Variants in EHBP1 observed in about 807,000 individuals in gnomAD.
EHBP1 encodes EH domain binding protein 1.
In EHBP1, 55 loss-of-function variants were observed where a neutral mutation model predicts 144.0. That is an observed-to-expected ratio of 0.38 (90% CI 0.31 to 0.48). The LOEUF (loss-of-function observed/expected upper bound fraction) is 0.48, where lower values mean the gene tolerates loss of function less well. Ranked by LOEUF, EHBP1 falls within the 20% of genes least tolerant of loss-of-function variation. EHBP1 has a pLI of 0.98. For synonymous variants in EHBP1, 469 were observed against 472.7 expected (o/e 0.99, Z 0.10); for missense variants, 1,200 against 1,364.2 (o/e 0.88, Z 1.90).
At chr2:62,830,943 A>C (rs536092792) in intron 6 of EHBP1, 76 bp from the exon 7 acceptor site, 12 of 1,475,006 alleles carry the variant, frequency 8.1e-6, no homozygotes, top group African/African-American at 5.8e-5. Flanking sequence ...GAAGGAATTT[A>C]TTGTTTTCTT....
chr2:62,832,452 T>G (rs1419322870), intron 7 of EHBP1, among the ~76,000 whole-genome samples: 2 of 150,450 alleles, frequency 1.3e-5, no homozygotes, highest in Non-Finnish European at 3.0e-5. Context: ...TTTTTTTTTT[T>G]TTTTTACAAA....
chr2:62,813,623 A>T (rs1001175846), intron 5 of EHBP1, among the ~76,000 whole-genome samples: 1 of 152,226 alleles, frequency 6.6e-6, no homozygotes, highest in Admixed American at 6.5e-5. Flanking sequence ...GACTGAGTCC[A>T]GCAAAGCCAT....
intron 21 of EHBP1, among the ~76,000 whole-genome samples, chr2:63,041,076 A>C (rs1559106209): frequency 6.6e-6 from 1 of 152,230 alleles, no homozygotes; most frequent in Non-Finnish European, 1.5e-5. Context: ...CTGCTGCTGA[A>C]ACCATTCACC....
At chr2:62,839,538 G>T (rs1457264975) in intron 7 of EHBP1, among the ~76,000 whole-genome samples, 1 of 149,778 alleles carries the variant, frequency 6.7e-6, no homozygotes, top group Non-Finnish European at 1.5e-5. Context: ...ATTAGGAAAA[G>T]AGGAAGTCAA....
intron 5 of EHBP1, among the ~76,000 whole-genome samples, chr2:62,822,127 G>A (rs2046029140): frequency 6.6e-6 from 1 of 151,980 alleles, no homozygotes; most frequent in African/African-American, 2.4e-5. Context: ...TTATAAAGAA[G>A]TCCTGAGTCT....
chr2:62,753,589 G>T (rs541717794), intron 3 of EHBP1, among the ~76,000 whole-genome samples: 1 of 152,078 alleles, frequency 6.6e-6, no homozygotes, highest in Non-Finnish European at 1.5e-5. Flanking sequence ...TAATATCCTG[G>T]AGAGTGTTTT....
intron 5 of EHBP1, among the ~76,000 whole-genome samples, chr2:62,807,839 C>G (rs553797590): frequency 1.3e-5 from 2 of 152,118 alleles, no homozygotes; most frequent in African/African-American, 2.4e-5. Context: ...TTTCACTCCA[C>G]ACTTGTTTGT....
In EHBP1 at chr2:62,859,299, GT is replaced by G; in HGVS notation, c.757+13del. ...GAGATCCTGACTCAGAAGGTAGCAAGTTTTTCTGTAATTTTAAAGTCTTTGT... is the reference window on the plus strand; with the variant it reads ...GAGATCCTGACTCAGAAGGTAGCAAGTTTTCTGTAATTTTAAAGTCTTTGT... On this transcript the variant is annotated intron_variant, in intron 8 of 22. Transcript: ENST00000431489. 6.3e-7 allele frequency: 1 copy of G among 1,593,710 alleles called. No individual in the cohort carries two copies. Among genetic ancestry groups the G allele is most frequent in the East Asian group, 2.3e-5 (1 of 44,422 alleles).
chr2:62,905,508 A>G (rs1033922999), intron 10 of EHBP1, among the ~76,000 whole-genome samples: 1 of 152,142 alleles, frequency 6.6e-6, no homozygotes, highest in African/African-American at 2.4e-5. Context: ...CAGGGAAATG[A>G]TATAATCAGG....
intron 6 of EHBP1, among the ~76,000 whole-genome samples, chr2:62,829,945 G>A (rs915697327): frequency 1.3e-5 from 2 of 150,834 alleles, no homozygotes; most frequent in South Asian, 4.2e-4. Flanking sequence ...TCCTTAAAGA[G>A]TTAAAAAGTA....
chr2:62,965,859 A>C (rs909682816), intron 14 of EHBP1, among the ~76,000 whole-genome samples: 6 of 152,008 alleles, frequency 3.9e-5, no homozygotes, highest in Non-Finnish European at 8.8e-5. Flanking sequence ...TGATATTCTG[A>C]TTTTTTGCTT....
In EHBP1 at chr2:62,743,251, T is replaced by C. The variant is rs1289859863; in HGVS notation, c.105-4144T>C. The stretch of plus-strand genomic sequence containing the variant: ...TAGTCCCTCATCTTTTTTTGGGCTT[T>C]ACATTGAAAGTGTCATTGTAAATTA... On this transcript the variant is annotated intron_variant, in intron 2 of 22. Transcript: ENST00000431489. 2.0e-5 allele frequency among the ~76,000 whole-genome samples: 3 copies of C among 152,184 alleles called. No individual in the cohort carries two copies. The East Asian group carries it at 5.8e-4, about 29-fold the overall frequency.
At chr2:62,709,459 G>A (rs1214522987) in intron 2 of EHBP1, among the ~76,000 whole-genome samples, 2 of 152,118 alleles carry the variant, frequency 1.3e-5, no homozygotes, top group African/African-American at 2.4e-5. Context: ...ACATTATCAG[G>A]TGATTCCTCA....
intron 2 of EHBP1, among the ~76,000 whole-genome samples, chr2:62,709,000 G>T (rs572234472): frequency 2.6e-5 from 4 of 152,254 alleles, no homozygotes; most frequent in African/African-American, 9.6e-5. Context: ...GGATTATTCT[G>T]TAGGTGATAG....
At chr2:62,977,866 T>C (rs1305739629) in intron 14 of EHBP1, among the ~76,000 whole-genome samples, 1 of 151,926 alleles carries the variant, frequency 6.6e-6, no homozygotes, top group Non-Finnish European at 1.5e-5. Flanking sequence ...AGGGAAATGG[T>C]TGGGGGGATA....
At chr2:62,722,080 T>A (rs1355349957) in intron 2 of EHBP1, among the ~76,000 whole-genome samples, 1 of 152,182 alleles carries the variant, frequency 6.6e-6, no homozygotes, top group African/African-American at 2.4e-5. Flanking sequence ...AGTTGTACCA[T>A]AGTGCCCCCT....
chr2:62,720,404 A>G (rs1425143968), intron 2 of EHBP1, among the ~76,000 whole-genome samples: 3 of 152,142 alleles, frequency 2.0e-5, no homozygotes, highest in Admixed American at 6.5e-5. Context: ...TCTTCTTCCA[A>G]CCATTTCCCT....
chr2:63,045,648 T>C lies in EHBP1; in HGVS notation c.*148T>C. On this transcript the variant is annotated 3_prime_UTR_variant, in exon 23 of 23. Transcript: ENST00000431489. The surrounding 1 kb of genome is among the most constrained non-coding windows in gnomAD (Gnocchi z 5.7). ...CCTCTACTTTACCACCACCACCCTT[T>C]TCCTCCCTCCTTTCCAAATAATATA... The C allele has an allele frequency of 1.6e-6, 1 of 621,726 alleles. No homozygotes were observed. 38.5% of individuals were successfully genotyped at this position (621,726 alleles called of 1,614,324 possible).
intron 10 of EHBP1, among the ~76,000 whole-genome samples, chr2:62,894,948 A>AGAGG (rs2052769914): frequency 6.6e-6 from 1 of 151,452 alleles, no homozygotes; most frequent in Non-Finnish European, 1.5e-5. Flanking sequence ...AGAGAGAGAG[A>AGAGG]GAGAGAGAAT....
Sources: gnomAD v4.1 joint callset for allele counts (sites outside exome capture counted in the v4.1 genomes callset) on GRCh38, gnomAD v4.1.1 for gene constraint, Gnocchi (gnomAD v3.1) non-coding constraint, MANE v1.5 for transcripts, NCBI Gene and HGNC (gene_info 2026-07-23, HGNC 2026-07-21) for gene names.